PIK3CD: variants seen among roughly 807,000 people sequenced by gnomAD.
PIK3CD encodes the protein phosphatidylinositol-4,5-bisphosphate 3-kinase catalytic subunit delta.
PIK3CD carries 20 observed loss-of-function variants against 122.9 expected under a neutral mutation model. The observed-to-expected ratio is 0.16, with a 90% CI of 0.11 to 0.24. The LOEUF (loss-of-function observed/expected upper bound fraction) is 0.24. PIK3CD is among the 10% of genes least tolerant of loss of function. The pLI, the probability that PIK3CD is intolerant of heterozygous loss-of-function variation, is 1.00. For synonymous variants in PIK3CD, 596 were observed against 593.4 expected, an observed-to-expected ratio of 1.00 and a Z score of -0.06; for missense variants, 787 against 1,406.3, an observed-to-expected ratio of 0.56 and a Z score of 7.04.
Position 9,715,480 on chromosome 1 carries a change from A to G in PIK3CD, c.142-61A>G, listed in dbSNP as rs1412084386. 5 of 1,481,732 alleles carry G rather than the reference A, an allele frequency of 3.4e-6. No individual in the cohort carries two copies. The highest frequency in any genetic ancestry group is 4.7e-6 in the Non-Finnish European group (5 of 1,067,666). 91.8% of individuals were successfully genotyped at this position (1,481,732 alleles called of 1,614,324 possible). On this transcript the variant is annotated intron_variant, in intron 3 of 23. Transcript: ENST00000377346. The surrounding 1 kb of genome is among the most constrained non-coding windows in gnomAD (Gnocchi z 4.1). The stretch of plus-strand genomic sequence containing the variant: ...GGAGGCCAGCTCTCCACCCTCCCTC[A>G]GCCTCCCACCTCCCAGTGGCTGCCT...
rs1648937827 is a variant in PIK3CD at position 9,723,044 on chromosome 1, C to A, written c.2427-81C>A. 7.1e-7 allele frequency: 1 copy of A among 1,404,052 alleles called. No homozygotes were observed. The highest frequency in any genetic ancestry group is 1.4e-5 in the African/African-American group (1 of 70,776). The allele number at this position is 1,404,052 out of a possible 1,614,324, so 87.0% of individuals were successfully genotyped here. The stretch of plus-strand genomic sequence containing the variant: ...GCATCTTCTGTGGCTTTTTGGGGCA[C>A]CATGAGTTTCTGGGGCTCAAGTGGC... On this transcript the variant is annotated intron_variant, in intron 19 of 23. Coordinates refer to ENST00000377346, the MANE Select transcript of PIK3CD (RefSeq NM_005026.5). This position sits in a 1 kb window ranked among gnomAD's most constrained non-coding sequence, Gnocchi z 4.9.
chr1:9,717,734 T>C lies in PIK3CD; in HGVS notation c.1020+108T>C. On this transcript the variant is annotated intron_variant, in intron 8 of 23. Coordinates refer to ENST00000377346, the MANE Select transcript of PIK3CD (RefSeq NM_005026.5). The surrounding 1 kb of genome is among the most constrained non-coding windows in gnomAD (Gnocchi z 5.4). ...GGAGGGGGATCACATGAAAGCCACC[T>C]GACCACATTACCCAGCATCCCTGCC... 1.0e-6 allele frequency: 1 copy of C among 988,368 alleles called. No individual in the cohort carries two copies. 61.2% of individuals were successfully genotyped at this position (988,368 alleles called of 1,614,324 possible).
chr1:9,646,944 C>CAAA (rs564896067), upstream of PIK3CD, among the ~76,000 whole-genome samples: 6 of 114,598 alleles, frequency 5.2e-5, no homozygotes, highest in Middle Eastern at 4.5e-3. Context: ...GACTCCATCT[C>CAAA]AAAAAAAAAA....
rs1646581225 is a variant in PIK3CD at position 9,700,365 on chromosome 1, G to T, written c.-33+8794G>T. Among the ~76,000 whole-genome samples the T allele has an allele frequency of 2.6e-5, 4 of 152,194 alleles. 1 individual carries two copies. The South Asian group carries it at 8.3e-4, about 31-fold the overall frequency. ...CATTTCAGGACAGACTGTAAGGGTG[G>T]CGTGGTGTCCTGGCCAGAACCCCAT... On this transcript the variant is annotated intron_variant, in intron 2 of 23. Coordinates refer to ENST00000377346, the MANE Select transcript of PIK3CD (RefSeq NM_005026.5). The surrounding 1 kb of genome is among the most constrained non-coding windows in gnomAD (Gnocchi z 5.1).
chr1:9,638,307 C>A, the PIK3CD span, among the ~76,000 whole-genome samples: 3 of 151,984 alleles, frequency 2.0e-5, no homozygotes, highest in African/African-American at 7.2e-5. Context: ...CTGCTGAGGG[C>A]AGTTCCAAAA....
Position 9,720,653 on chromosome 1 carries a change from G to A in PIK3CD, c.1513G>A (p.Glu505Lys), listed in dbSNP as rs545136223. The change falls in exon 12 of 24, where the codon GAG becomes AAG. Residue 505 changes from glutamate (E) to lysine (K), a missense_variant. By Grantham distance (56) the Glu-to-Lys change is moderately conservative. Transcript: ENST00000377346. The surrounding 1 kb of genome is among the most constrained non-coding windows in gnomAD (Gnocchi z 9.0). ...ACACAGCGAGTGTGTGCATGTCACCGAGGAGGAGGTGAGTGGGGTGGGGGT... is the reference window on the plus strand; with the variant it reads ...ACACAGCGAGTGTGTGCATGTCACCAAGGAGGAGGTGAGTGGGGTGGGGGT... ...GRHSECVHVT[E>K]EEQLQLREIL... The A allele has an allele frequency of 3.8e-5, 58 of 1,537,536 alleles. No homozygotes were observed. In the African/African-American group the frequency reaches 6.6e-4, roughly 18 times the overall value.
In PIK3CD at chr1:9,723,695, G is replaced by C. The variant is rs1232956084; in HGVS notation, c.2595-274G>C. Among the ~76,000 whole-genome samples, 1 of 152,198 alleles carries C rather than the reference G, an allele frequency of 6.6e-6. No individual in the cohort carries two copies. The highest frequency in any genetic ancestry group is 1.5e-5 in the Non-Finnish European group (1 of 68,026). ...CCTGGGGCCTTGGCGCCAGCTGTCT[G>C]TGATGCCTCTCTGCATGTGGTCTCC... On this transcript the variant is annotated intron_variant, in intron 20 of 23. Coordinates refer to ENST00000377346, the MANE Select transcript of PIK3CD (RefSeq NM_005026.5). The surrounding 1 kb of genome is among the most constrained non-coding windows in gnomAD (Gnocchi z 4.9).
rs966616439 is a variant in PIK3CD, at chr1:9,718,593, A to G, written c.1021-101A>G. 16 of 1,099,500 alleles carry G rather than the reference A, an allele frequency of 1.5e-5. No individual in the cohort carries two copies. The highest frequency in any genetic ancestry group is 2.2e-5 in the Non-Finnish European group (16 of 740,306). 68.1% of individuals were successfully genotyped at this position (1,099,500 alleles called of 1,614,324 possible). On this transcript the variant is annotated intron_variant, in intron 8 of 23. Coordinates refer to ENST00000377346, the MANE Select transcript of PIK3CD (RefSeq NM_005026.5). This position sits in a 1 kb window ranked among gnomAD's most constrained non-coding sequence, Gnocchi z 7.2. ...CCTTCGTGTGGGAAGTAGAGTTCAG[A>G]CCCACCTGAGGACATTCAAGGGGGA...
At chr1:9,714,546 C>T (rs1434236288) in intron 3 of PIK3CD, among the ~76,000 whole-genome samples, 4 of 152,160 alleles carry the variant, frequency 2.6e-5, no homozygotes, top group Non-Finnish European at 5.9e-5. Context: ...CCCACACCTG[C>T]TGCTCTGTAT....
chr1:9,671,626 A>G (rs1258701589), intron 1 of PIK3CD, among the ~76,000 whole-genome samples: 1 of 152,100 alleles, frequency 6.6e-6, no homozygotes, highest in East Asian at 1.9e-4. Context: ...AGCATGTGTC[A>G]ATAAATACCC....
Position 9,689,451 on chromosome 1 carries a change from GGCCCCGGCCCCGCCCCA to G in PIK3CD, c.-137-2009_-137-1993del, listed in dbSNP as rs1483523950. Among the ~76,000 whole-genome samples the G allele has an allele frequency of 1.3e-5, 2 of 149,064 alleles. No individual in the cohort carries two copies. The highest frequency in any genetic ancestry group is 3.0e-5 in the Non-Finnish European group (2 of 66,726). ...TGCCGACGGTGCCCGCGCCGCCGCCGGCCCCGGCCCCGCCCCAGCCCCGAGGACGCCCCGCCCCCAGC... is the reference window on the plus strand; with the variant it reads ...TGCCGACGGTGCCCGCGCCGCCGCCGGCCCCGAGGACGCCCCGCCCCCAGC... On this transcript the variant is annotated intron_variant, in intron 1 of 23. Transcript: ENST00000377346. This position sits in a 1 kb window ranked among gnomAD's most constrained non-coding sequence, Gnocchi z 6.1.
intron 6 of PIK3CD, 105 bp downstream of exon 6, chr1:9,716,724 C>A: frequency 7.6e-7 from 1 of 1,312,374 alleles, no homozygotes; most frequent in Non-Finnish European, 1.1e-6. Flanking sequence ...GCCTGCCGAG[C>A]CAGGCCTTTG....
At chr1:9,699,755 AT>A (rs1646558005) in intron 2 of PIK3CD, among the ~76,000 whole-genome samples, 1 of 151,892 alleles carries the variant, frequency 6.6e-6, no homozygotes, top group Admixed American at 6.6e-5. Context: ...CGCCTGGCTA[AT>A]TTTTTTGTAT....
chr1:9,685,813 C>T (rs899339859), intron 1 of PIK3CD, among the ~76,000 whole-genome samples: 1 of 152,176 alleles, frequency 6.6e-6, no homozygotes, highest in Non-Finnish European at 1.5e-5. Flanking sequence ...CTGCCTCAGC[C>T]TGTGAGTAGC....
At chr1:9,633,751 T>C in the PIK3CD span, among the ~76,000 whole-genome samples, 3 of 152,254 alleles carry the variant, frequency 2.0e-5, no homozygotes, top group African/African-American at 7.2e-5. Flanking sequence ...AATCATCGTC[T>C]GGCTTGGGAT....
intron 1 of PIK3CD, among the ~76,000 whole-genome samples, chr1:9,676,590 G>C (rs1305881798): frequency 6.6e-6 from 1 of 152,314 alleles, no homozygotes; most frequent in South Asian, 2.1e-4. Context: ...AGTTGACCTA[G>C]GTGTCCTTGA....
chr1:9,682,674 C>T (rs958763334), intron 1 of PIK3CD, among the ~76,000 whole-genome samples: 1 of 151,958 alleles, frequency 6.6e-6, no homozygotes, highest in Non-Finnish European at 1.5e-5. Flanking sequence ...CTCAGCTTCC[C>T]GAGTAGCTGG....
intron 2 of PIK3CD, among the ~76,000 whole-genome samples, chr1:9,708,029 C>T (rs560902607): frequency 9.8e-4 from 149 of 151,988 alleles, no homozygotes; most frequent in African/African-American, 3.5e-3. Context: ...CTCCTGACCT[C>T]GTGATCCACT....
At chr1:9,638,541 G>C in the PIK3CD span, among the ~76,000 whole-genome samples, 1 of 151,690 alleles carries the variant, frequency 6.6e-6, no homozygotes, top group South Asian at 2.1e-4. Context: ...GACCATCCTG[G>C]CTAACACGGT....
Sources: gnomAD v4.1 joint callset for allele counts (sites outside exome capture counted in the v4.1 genomes callset) on GRCh38, gnomAD v4.1.1 for gene constraint, Gnocchi (gnomAD v3.1) non-coding constraint, MANE v1.5 for transcripts, NCBI Gene and HGNC (gene_info 2026-07-23, HGNC 2026-07-21) for gene names.